NADSYN1: variants seen among roughly 807,000 people sequenced by gnomAD.
The protein encoded by NADSYN1 is glutamine-dependent NAD(+) synthetase.
NADSYN1 carries 80 observed loss-of-function variants against 99.3 expected under a neutral mutation model. The observed-to-expected ratio is 0.81, with a 90% CI of 0.67 to 0.97. The LOEUF is 0.97. Among genes scored for constraint, NADSYN1 ranks in the 50% least tolerant of loss-of-function variants. The pLI is 0.00. For synonymous variants in NADSYN1, 385 were observed against 372.1 expected, an observed-to-expected ratio of 1.03 and a Z score of -0.40; for missense variants, 859 against 948.5, an observed-to-expected ratio of 0.91 and a Z score of 1.24.
chr11:71,491,811 A>G, intron 17 of NADSYN1, 23 bp from the exon 18 acceptor site: 2 of 1,612,538 alleles, frequency 1.2e-6, no homozygotes, highest in Non-Finnish European at 1.7e-6. Context: ...GCACTGACCG[A>G]CCTCTGTGTG....
At chr11:71,458,625 TC>T in intron 3 of NADSYN1, 81 bp downstream of exon 3, 1 of 984,420 alleles carries the variant, frequency 1.0e-6, no homozygotes, top group Non-Finnish European at 1.6e-6. Flanking sequence ...CCGGCCTCCA[TC>T]CAGGGTGTGG....
intron 3 of NADSYN1, among the ~76,000 whole-genome samples, chr11:71,462,717 T>A (rs1419774424): frequency 6.6e-6 from 1 of 152,204 alleles, no homozygotes; most frequent in African/African-American, 2.4e-5. Context: ...ACATTTGGTT[T>A]TTCTTCCCCT....
At position 71,455,159 on chromosome 11, in the gene NADSYN1, G is replaced by C. The variant is rs376638156; in HGVS notation, c.135G>C (p.Glu45Asp). The C allele has an allele frequency of 6.2e-7, 1 of 1,613,972 alleles. No homozygotes were observed. The highest frequency in any genetic ancestry group is 8.5e-7 in the Non-Finnish European group (1 of 1,179,880). Residue 45 changes from glutamate to aspartate, a missense_variant, in exon 2 of 21, where the codon GAG becomes GAC. Glu to Asp is a conservative substitution (Grantham distance 45). Coordinates refer to ENST00000319023, the MANE Select transcript of NADSYN1 (RefSeq NM_018161.5). ...NRGARYRLGP[E>D]LEICGYGCWD... Reference sequence around the variant, plus strand: ...GAGCAAGATACAGGCTTGGACCAGAGCTGGAAATATGGTGAGAACAGACAC... The same window carrying C: ...GAGCAAGATACAGGCTTGGACCAGACCTGGAAATATGGTGAGAACAGACAC...
chr11:71,496,136 T>C (rs1949817100), intron 18 of NADSYN1, among the ~76,000 whole-genome samples: 1 of 152,112 alleles, frequency 6.6e-6, no homozygotes, highest in African/African-American at 2.4e-5. Context: ...ACACCTTCCA[T>C]GGATGATTTG....
intron 18 of NADSYN1, among the ~76,000 whole-genome samples, chr11:71,493,707 G>A (rs767710520): frequency 2.6e-5 from 4 of 152,178 alleles, no homozygotes; most frequent in Non-Finnish European, 5.9e-5. Flanking sequence ...TCTTCCAAGA[G>A]TTTTATAGTT....
intron 16 of NADSYN1, among the ~76,000 whole-genome samples, chr11:71,490,170 C>T (rs567819172): frequency 6.6e-6 from 1 of 152,284 alleles, no homozygotes; most frequent in African/African-American, 2.4e-5. Flanking sequence ...CCTCTGGAGT[C>T]CCGCCTTCTT....
chr11:71,481,004 A>C, intron 11 of NADSYN1, 125 bp downstream of exon 11: 1 of 1,351,402 alleles, frequency 7.4e-7, no homozygotes, highest in Non-Finnish European at 1.0e-6. Flanking sequence ...GCAGAAGGCA[A>C]CTGTGCATCC....
chr11:71,472,900 A>ACTGCCTTGTGGCTGGGAGTG (rs1244377615), intron 6 of NADSYN1, among the ~76,000 whole-genome samples: 1 of 152,218 alleles, frequency 6.6e-6, no homozygotes, highest in African/African-American at 2.4e-5. Context: ...CCTCTCAGCC[A>ACTGCCTTGTGGCTGGGAGTG]CTGCCTTGTG....
intron 1 of NADSYN1, among the ~76,000 whole-genome samples, chr11:71,453,599 CAA>C (rs1949494795): frequency 6.6e-6 from 1 of 152,202 alleles, no homozygotes; most frequent in Non-Finnish European, 1.5e-5. Context: ...GAGCGATATA[CAA>C]GGCACGGTTA....
In NADSYN1 at chr11:71,463,417, C is replaced by T; in HGVS notation, c.264-15C>T. On this transcript the variant is annotated splice_polypyrimidine_tract_variant and intron_variant, in intron 3 of 20. Transcript: ENST00000319023. ...AACCGGGCAGACACACATGTACCTC[C>T]CCTCTCTCCTGCAGGCCTGTAATGC... 6.2e-7 allele frequency: 1 copy of T among 1,612,930 alleles called. No homozygotes were observed. The highest frequency in any genetic ancestry group is 8.5e-7 in the Non-Finnish European group (1 of 1,178,954).
chr11:71,481,508 A>G, intron 12 of NADSYN1, 104 bp downstream of exon 12: 1 of 1,158,288 alleles, frequency 8.6e-7, no homozygotes, highest in Non-Finnish European at 1.3e-6. Context: ...TTTAGTGCAA[A>G]CAACAAAAAG....
chr11:71,481,290 G>T (rs1949705688), intron 11 of NADSYN1, 66 bp from the exon 12 acceptor site: 1 of 1,545,762 alleles, frequency 6.5e-7, no homozygotes. Flanking sequence ...GCCTGCTTGG[G>T]TGGGTTGTTG....
intron 18 of NADSYN1, among the ~76,000 whole-genome samples, chr11:71,492,911 A>G (rs1949792974): frequency 6.8e-6 from 1 of 147,430 alleles, no homozygotes; most frequent in African/African-American, 2.5e-5. Flanking sequence ...TTTTTAGACA[A>G]TGTCTCACTC....
chr11:71,460,980 C>G (rs1949546660), intron 3 of NADSYN1: 1 of 152,216 alleles, frequency 6.6e-6, no homozygotes, highest in Non-Finnish European at 1.5e-5. Context: ...TGCTCACTTA[C>G]TGAGTTGAAC....
At position 71,472,529 on chromosome 11, in the gene NADSYN1, T is replaced by G. The variant is rs769309962; in HGVS notation, c.459+29T>G. 16 of 1,601,638 alleles carry G rather than the reference T, an allele frequency of 1.0e-5. No homozygotes were observed. The Admixed American group carries it at 2.7e-4, about 27-fold the overall frequency. On this transcript the variant is annotated intron_variant, in intron 6 of 20. Transcript: ENST00000319023. ...AGTCCCTGGGTGTGGAGCCCGTTTT[T>G]CAGTCGGTTGTCGCTGTTCTCGGCC...
chr11:71,478,532 C>T (rs1949684865), intron 10 of NADSYN1, 63 bp downstream of exon 10: 7 of 1,433,828 alleles, frequency 4.9e-6, no homozygotes, highest in East Asian at 4.9e-5. Flanking sequence ...TGGCCCCATT[C>T]GTGCGGGCCT....
intron 5 of NADSYN1, among the ~76,000 whole-genome samples, chr11:71,470,690 T>G (rs1057201193): frequency 2.6e-5 from 4 of 152,232 alleles, no homozygotes; most frequent in Non-Finnish European, 4.4e-5. Context: ...ATTCTCCTTA[T>G]TTTTTATGAT....
intron 2 of NADSYN1, among the ~76,000 whole-genome samples, chr11:71,455,639 T>C (rs943639604): frequency 2.6e-5 from 4 of 152,360 alleles, no homozygotes; most frequent in East Asian, 1.9e-4. Context: ...CCTTCTACCA[T>C]GTGAGGACAC....
chr11:71,480,774 A>G lies in NADSYN1; in HGVS notation c.893A>G (p.Tyr298Cys). The change falls in exon 11 of 21, where the codon TAC (tyrosine) becomes TGC (cysteine). Residue 298 changes from tyrosine (Y) to cysteine (C), a missense_variant. By Grantham distance (194) the Tyr-to-Cys change is radical. Coordinates refer to ENST00000319023, the MANE Select transcript of NADSYN1 (RefSeq NM_018161.5). ...RNLAASRASP[Y>C]PRVKVDFALS... ...TGCCAGGCCAGCAGGGCGAGCCCCT[A>G]CCCCAGAGTGAAGGTGGACTTTGCC... The G allele has an allele frequency of 6.2e-7, 1 of 1,614,050 alleles. No individual in the cohort carries two copies. The highest frequency in any genetic ancestry group is 8.5e-7 in the Non-Finnish European group (1 of 1,179,992).
Sources: gnomAD v4.1 joint callset for allele counts (sites outside exome capture counted in the v4.1 genomes callset) on GRCh38, gnomAD v4.1.1 for gene constraint, MANE v1.5 for transcripts, NCBI Gene and HGNC (gene_info 2026-07-23, HGNC 2026-07-21) for gene names.